CSNK1A1: variants seen among roughly 807,000 people sequenced by gnomAD.
CSNK1A1 encodes the protein casein kinase 1 alpha 1.
A neutral mutation model predicts 46.1 loss-of-function variants in CSNK1A1; 7 were observed. The ratio of observed to expected loss-of-function variants is 0.15; its 90% CI spans 0.09 to 0.29. CSNK1A1 has a LOEUF of 0.29. CSNK1A1 is among the 10% of genes least tolerant of loss of function. CSNK1A1 has a pLI of 1.00. For missense variants in CSNK1A1, 96 were observed against 417.1 expected (o/e 0.23, Z 6.71); for synonymous variants, 137 against 141.5 (o/e 0.97, Z 0.23).
At chr5:149,543,374 C>T (rs1762362726) in intron 2 of CSNK1A1, among the ~76,000 whole-genome samples, 1 of 152,142 alleles carries the variant, frequency 6.6e-6, no homozygotes, top group Non-Finnish European at 1.5e-5. Context: ...TGCTACCTAG[C>T]ATTATTACAT....
At chr5:149,498,551 GA>G (rs1760727489) in intron 9 of CSNK1A1, 1 of 984,926 alleles carries the variant, frequency 1.0e-6, no homozygotes, top group Admixed American at 6.1e-5. Context: ...TACAATACAG[GA>G]TAAGCTATGC....
chr5:149,519,236 T>C (rs1021929051), intron 4 of CSNK1A1, among the ~76,000 whole-genome samples: 1 of 152,288 alleles, frequency 6.6e-6, no homozygotes, highest in East Asian at 1.9e-4. Flanking sequence ...CTAATGGTAA[T>C]GTCTCCCAGT....
chr5:149,531,324 C>T (rs189810362), intron 2 of CSNK1A1, among the ~76,000 whole-genome samples: 171 of 151,890 alleles, frequency 1.1e-3, no homozygotes, highest in Non-Finnish European at 1.7e-3. Flanking sequence ...CACCTGAGGT[C>T]GGCAATTCGA....
rs112144411 is a variant in CSNK1A1 at position 149,531,923 on chromosome 5, G to A, written c.231-6752C>T. ...TTTTGAGACAGGATCTCACTGTGTC[G>A]CCCAGGCTGGAGTGCAATGGTGTGA... On this transcript the variant is annotated intron_variant, in intron 2 of 9. Coordinates refer to ENST00000377843, the MANE Select transcript of CSNK1A1 (RefSeq NM_001892.6). 8.2e-4 allele frequency among the ~76,000 whole-genome samples: 124 copies of A among 151,800 alleles called. 2 individuals are homozygous for A. Among genetic ancestry groups the A allele is most frequent in the African/African-American group, 2.7e-3 (112 of 41,394 alleles).
chr5:149,546,111 A>G (rs1332052402), intron 2 of CSNK1A1, among the ~76,000 whole-genome samples: 1 of 149,180 alleles, frequency 6.7e-6, no homozygotes, highest in African/African-American at 2.5e-5. Flanking sequence ...TCTACTACCC[A>G]GGCTGGTCTC....
intron 9 of CSNK1A1, chr5:149,503,491 T>C: frequency 1.0e-6 from 1 of 985,468 alleles, no homozygotes; most frequent in African/African-American, 1.7e-5. Flanking sequence ...ATGTGATGTG[T>C]TTTATGAAAA....
chr5:149,509,039 C>A (rs774508224), intron 7 of CSNK1A1, among the ~76,000 whole-genome samples: 5 of 151,944 alleles, frequency 3.3e-5, no homozygotes, highest in Non-Finnish European at 7.4e-5. Context: ...GCATCCTGCC[C>A]CAGCATCCCC....
chr5:149,550,733 G>A lies in CSNK1A1; in HGVS notation c.123+109C>T. ...GAAAACTAGCTCCCTGGACTCCCTG[G>A]CGAGTGCGTGCGATGAGGAGAGGCC... is the stretch of plus-strand genomic sequence containing the variant. On this transcript the variant is annotated intron_variant, in intron 1 of 9. Transcript: ENST00000377843. The surrounding 1 kb of genome is among the most constrained non-coding windows in gnomAD (Gnocchi z 4.3). 2 of 1,477,344 alleles carry A rather than the reference G, an allele frequency of 1.4e-6. No homozygotes were observed. Among genetic ancestry groups the A allele is most frequent in the Non-Finnish European group, 9.2e-7 (1 of 1,085,082 alleles). 91.5% of individuals were successfully genotyped at this position (1,477,344 alleles called of 1,614,324 possible).
chr5:149,545,595 C>A, intron 2 of CSNK1A1: 1 of 822,550 alleles, frequency 1.2e-6, no homozygotes, highest in Non-Finnish European at 2.0e-6. Flanking sequence ...CCTTTGGGAT[C>A]TTGGGCTTAA....
chr5:149,536,626 A>C (rs972930742), intron 2 of CSNK1A1, among the ~76,000 whole-genome samples: 1 of 152,222 alleles, frequency 6.6e-6, no homozygotes, highest in Admixed American at 6.5e-5. Flanking sequence ...AAAATGGAAG[A>C]AGCAACACAA....
At position 149,513,225 on chromosome 5, in the gene CSNK1A1, A is replaced by T; in HGVS notation, c.457-16T>A. ...TAAGGAATAACTTTAAAAGAGAAATACAGAAACATTAGGTTTCCAACCTTG... is the reference window on the plus strand; with the variant it reads ...TAAGGAATAACTTTAAAAGAGAAATTCAGAAACATTAGGTTTCCAACCTTG... On this transcript the variant is annotated splice_polypyrimidine_tract_variant and intron_variant, in intron 4 of 9. Transcript: ENST00000377843. The T allele has an allele frequency of 6.2e-7, 1 of 1,608,108 alleles. No individual in the cohort carries two copies. Among genetic ancestry groups the T allele is most frequent in the South Asian group, 1.1e-5 (1 of 90,268 alleles).
chr5:149,528,253 C>G (rs374835308), intron 2 of CSNK1A1, among the ~76,000 whole-genome samples: 32 of 152,200 alleles, frequency 2.1e-4, no homozygotes, highest in African/African-American at 7.2e-4. Flanking sequence ...TTAAATACTT[C>G]CTTGAAAATA....
chr5:149,499,145 G>GGTATTCAACAC, intron 9 of CSNK1A1: 2 of 985,398 alleles, frequency 2.0e-6, no homozygotes, highest in Non-Finnish European at 2.4e-6. Context: ...GTATTCAACA[G>GGTATTCAACAC]TCTTGCAGTA....
At position 149,550,244 on chromosome 5, in the gene CSNK1A1, G is replaced by A; in HGVS notation, c.124-63C>T. 6.4e-7 allele frequency: 1 copy of A among 1,574,254 alleles called. No individual in the cohort carries two copies. The highest frequency in any genetic ancestry group is 8.6e-7 in the Non-Finnish European group (1 of 1,160,362). On this transcript the variant is annotated intron_variant, in intron 1 of 9. Coordinates refer to ENST00000377843, the MANE Select transcript of CSNK1A1 (RefSeq NM_001892.6). The surrounding 1 kb of genome is among the most constrained non-coding windows in gnomAD (Gnocchi z 4.3). Reference sequence around the variant, plus strand: ...TACGGATTCAATGTCACTTAGGAAAGGAGGGAGACATTAGCAAAACTCCAA... The same window carrying A: ...TACGGATTCAATGTCACTTAGGAAAAGAGGGAGACATTAGCAAAACTCCAA...
At position 149,550,558 on chromosome 5, in the gene CSNK1A1, T is replaced by C. The variant is rs1762626026; in HGVS notation, c.123+284A>G. 6.6e-6 allele frequency among the ~76,000 whole-genome samples: 1 copy of C among 151,754 alleles called. No individual in the cohort carries two copies. The highest frequency in any genetic ancestry group is 6.6e-5 in the Admixed American group (1 of 15,236). On this transcript the variant is annotated intron_variant, in intron 1 of 9. Coordinates refer to ENST00000377843, the MANE Select transcript of CSNK1A1 (RefSeq NM_001892.6). The surrounding 1 kb of genome is among the most constrained non-coding windows in gnomAD (Gnocchi z 4.3). ...AATCACTGAAAGAGGATTTTGCCGTTTCCACCTTAAAAGACGGTTAAAAAA... is the reference window on the plus strand; with the variant it reads ...AATCACTGAAAGAGGATTTTGCCGTCTCCACCTTAAAAGACGGTTAAAAAA...
chr5:149,510,051 T>G (rs894853519), intron 6 of CSNK1A1, 98 bp from the exon 7 acceptor site: 3 of 749,740 alleles, frequency 4.0e-6, no homozygotes, highest in Admixed American at 6.3e-5. Flanking sequence ...ACCTGTGAGA[T>G]TCAAGAGAAA....
At position 149,507,073 on chromosome 5, in the gene CSNK1A1, C is replaced by T; in HGVS notation, c.811G>A (p.Ala271Thr). 1 of 1,613,968 alleles carries T rather than the reference C, an allele frequency of 6.2e-7. No individual in the cohort carries two copies. Residue 271 changes from alanine (A) to threonine (T), a missense_variant, in exon 8 of 10, where the codon GCC becomes ACC. Coordinates refer to ENST00000377843, the MANE Select transcript of CSNK1A1 (RefSeq NM_001892.6). Reference protein sequence around the residue: ...NYCRGLRFEEAPDYMYLRQLF... With the variant: ...NYCRGLRFEETPDYMYLRQLF... ...TGCCTCAGATACATGTAATCTGGGG[C>T]TTCCTCAAAGCGTAGCCCACGACAA...
chr5:149,499,076 T>A, intron 9 of CSNK1A1: 1 of 985,400 alleles, frequency 1.0e-6, no homozygotes, highest in Non-Finnish European at 1.2e-6. Context: ...TCCAGTGAAT[T>A]GTCCTAAGAT....
Position 149,550,583 on chromosome 5 carries a change from A to C in CSNK1A1, c.123+259T>G, listed in dbSNP as rs1762626933. 6.6e-6 allele frequency among the ~76,000 whole-genome samples: 1 copy of C among 152,116 alleles called. No homozygotes were observed. The highest frequency in any genetic ancestry group is 1.5e-5 in the Non-Finnish European group (1 of 68,024). ...TTCCACCTTAAAAGACGGTTAAAAAAAAAAAAAGCTCGACTAAGGGACATT... is the reference window on the plus strand; with the variant it reads ...TTCCACCTTAAAAGACGGTTAAAAACAAAAAAAGCTCGACTAAGGGACATT... On this transcript the variant is annotated intron_variant, in intron 1 of 9. Coordinates refer to ENST00000377843, the MANE Select transcript of CSNK1A1 (RefSeq NM_001892.6). The surrounding 1 kb of genome is among the most constrained non-coding windows in gnomAD (Gnocchi z 4.3).
Sources: allele counts gnomAD v4.1 joint callset (sites outside exome capture counted in the v4.1 genomes callset), GRCh38; gene constraint gnomAD v4.1.1; non-coding constraint Gnocchi (gnomAD v3.1); transcripts MANE v1.5; gene names NCBI Gene and HGNC (gene_info 2026-07-23, HGNC 2026-07-21).